Variants in SLC17A5 observed in about 807,000 individuals in gnomAD.
SLC17A5 encodes the protein sialin.
Under a neutral mutation model 59.4 loss-of-function variants are expected in SLC17A5, and 47 were observed. The observed-to-expected ratio is 0.79, with a 90% CI of 0.63 to 1.01. The LOEUF (loss-of-function observed/expected upper bound fraction) is 1.01, where lower values mean the gene tolerates loss of function less well. Among genes scored for constraint, SLC17A5 ranks in the 50% least tolerant of loss-of-function variants. The pLI, the probability that SLC17A5 is intolerant of heterozygous loss-of-function variation, is 0.00. For synonymous variants in SLC17A5, 202 were observed against 210.7 expected (o/e 0.96, Z 0.36); for missense variants, 522 against 595.5 (o/e 0.88, Z 1.28).
chr6:73,639,660 GT>G (rs1561998996), intron 3 of SLC17A5, among the ~76,000 whole-genome samples: 1 of 152,196 alleles, frequency 6.6e-6, no homozygotes, highest in East Asian at 1.9e-4. Flanking sequence ...AGTAATCTAA[GT>G]GTCCTTTATG....
chr6:73,649,913 T>C (rs1009633304), intron 1 of SLC17A5, among the ~76,000 whole-genome samples: 9 of 152,252 alleles, frequency 5.9e-5, no homozygotes, highest in African/African-American at 1.2e-4. Flanking sequence ...CAGATACCCA[T>C]ACAGAATTGG....
chr6:73,599,982 G>A (rs1489406891), intron 10 of SLC17A5, among the ~76,000 whole-genome samples: 7 of 152,118 alleles, frequency 4.6e-5, no homozygotes. Flanking sequence ...TTTTAGTAGA[G>A]ACGGGGTTTC....
chr6:73,628,904 A>T (rs562058488), intron 6 of SLC17A5, among the ~76,000 whole-genome samples: 38 of 152,202 alleles, frequency 2.5e-4, no homozygotes, highest in East Asian at 9.7e-4. Context: ...TTTAAAAAAA[A>T]TTTTTCTTGT....
intron 9 of SLC17A5, among the ~76,000 whole-genome samples, chr6:73,607,282 A>ATT (rs71000137): frequency 0.26 from 37,901 of 143,824 alleles, 5,199 homozygotes; most frequent in Non-Finnish European, 0.3. Flanking sequence ...CAATAGCACT[A>ATT]TTTTTTTTTT....
chr6:73,645,173 T>C (rs566128879), intron 1 of SLC17A5: 5 of 193,644 alleles, frequency 2.6e-5, no homozygotes, highest in Admixed American at 1.3e-4. Context: ...GTACTTACAA[T>C]GACATGATAT....
intron 9 of SLC17A5, among the ~76,000 whole-genome samples, chr6:73,607,230 A>C (rs549527032): frequency 1.3e-5 from 2 of 151,476 alleles, no homozygotes; most frequent in South Asian, 4.2e-4. Context: ...TACCATGGAT[A>C]TTTGGTTTTC....
At chr6:73,617,370 CATT>C (rs562104190) in intron 7 of SLC17A5, among the ~76,000 whole-genome samples, 263 of 151,988 alleles carry the variant, frequency 1.7e-3, no homozygotes, top group African/African-American at 6.1e-3. Context: ...TCACATCTAT[CATT>C]ATTTGTGGCA....
chr6:73,630,141 C>A (rs5007650), intron 6 of SLC17A5, among the ~76,000 whole-genome samples: 1 of 151,648 alleles, frequency 6.6e-6, no homozygotes, highest in African/African-American at 2.4e-5. Flanking sequence ...TACAGGCACA[C>A]GCTACGACGC....
chr6:73,618,660 T>A (rs538930625), intron 7 of SLC17A5: 31 of 329,648 alleles, frequency 9.4e-5, no homozygotes, highest in African/African-American at 6.2e-4. Context: ...ATAAAAGATT[T>A]AAAAAAATGA....
At chr6:73,617,007 T>C (rs1465531730) in intron 7 of SLC17A5, among the ~76,000 whole-genome samples, 1 of 151,668 alleles carries the variant, frequency 6.6e-6, no homozygotes, top group African/African-American at 2.4e-5. Context: ...CAAAAAAAGC[T>C]TGGCTGGGCA....
intron 5 of SLC17A5, among the ~76,000 whole-genome samples, chr6:73,636,041 A>G (rs995961140): frequency 3.9e-5 from 6 of 152,076 alleles, no homozygotes; most frequent in African/African-American, 7.2e-5. Flanking sequence ...ACCCAGCCAG[A>G]AGAAAACAAC....
intron 1 of SLC17A5, among the ~76,000 whole-genome samples, chr6:73,648,720 G>T (rs932015135): frequency 6.6e-6 from 1 of 152,108 alleles, no homozygotes; most frequent in African/African-American, 2.4e-5. Flanking sequence ...GAACAAAAGA[G>T]GCACATTAAT....
At chr6:73,602,495 CT>C (rs1394431427) in intron 9 of SLC17A5, among the ~76,000 whole-genome samples, 3 of 151,878 alleles carry the variant, frequency 2.0e-5, no homozygotes, top group African/African-American at 4.8e-5. Flanking sequence ...TAGAGGAAGG[CT>C]GGGCGCGGTG....
In SLC17A5 at chr6:73,653,941, C is replaced by G. The variant is rs1581997793; in HGVS notation, c.-55G>C. 1.4e-6 allele frequency: 2 copies of G among 1,481,046 alleles called. No individual in the cohort carries two copies. Among genetic ancestry groups the G allele is most frequent in the Non-Finnish European group, 1.8e-6 (2 of 1,085,104 alleles). The allele number at this position is 1,481,046 out of a possible 1,614,324, so 91.7% of individuals were successfully genotyped here. A position where few individuals can be genotyped will look rare whatever the true frequency, so the allele number is the denominator to read the frequency against. On this transcript the variant is annotated 5_prime_UTR_variant, in exon 1 of 11. Coordinates refer to ENST00000355773, the MANE Select transcript of SLC17A5 (RefSeq NM_012434.5). ...CCTGGCAGAGAAGGGAGCGCCGGCC[C>G]GACAGCCCGAAGCCCCCGGGCCGAG... is the stretch of plus-strand genomic sequence containing the variant.
At chr6:73,601,375 G>C (rs1184381451) in intron 9 of SLC17A5, among the ~76,000 whole-genome samples, 1 of 143,424 alleles carries the variant, frequency 7.0e-6, no homozygotes, top group African/African-American at 2.6e-5. Flanking sequence ...AGTGAGGAGC[G>C]TCTCCGCCCG....
At chr6:73,629,028 T>A (rs1234924355) in intron 6 of SLC17A5, among the ~76,000 whole-genome samples, 1 of 152,238 alleles carries the variant, frequency 6.6e-6, no homozygotes, top group Non-Finnish European at 1.5e-5. Flanking sequence ...TTGATTTGCT[T>A]CGCAATGCTG....
intron 2 of SLC17A5, among the ~76,000 whole-genome samples, chr6:73,642,396 C>T (rs1434957990): frequency 6.6e-6 from 1 of 151,978 alleles, no homozygotes; most frequent in Non-Finnish European, 1.5e-5. Context: ...TGGTTTTAAT[C>T]CTAGCTCTAT....
intron 1 of SLC17A5, chr6:73,653,505 C>T: frequency 2.2e-6 from 2 of 923,142 alleles, no homozygotes; most frequent in Non-Finnish European, 2.5e-6. Context: ...CGCTCCCCCG[C>T]CCCCGCCCCC....
Position 73,644,601 on chromosome 6 carries a change from G to C in SLC17A5, c.97C>G (p.Pro33Ala). 1 of 1,612,726 alleles carries C rather than the reference G, an allele frequency of 6.2e-7. No homozygotes were observed. Among genetic ancestry groups the C allele is most frequent in the Non-Finnish European group, 8.5e-7 (1 of 1,179,508 alleles). Residue 33 changes from proline (P) to alanine (A), a missense_variant and splice_region_variant, in exon 2 of 11, where the codon CCA (proline) becomes GCA (alanine). Physicochemically the swap from Pro to Ala is conservative, Grantham distance 27. Coordinates refer to ENST00000355773, the MANE Select transcript of SLC17A5 (RefSeq NM_012434.5). ...TTGTAACGAGCAGAGCAGCACACTG[G>C]AGCTGAAATAAAGATTGGGGAAAAT... ...LPGAPRAEAAPVCCSARYNLA... is the reference protein window; with the variant it reads ...LPGAPRAEAAAVCCSARYNLA...
Sources: allele counts gnomAD v4.1 joint callset (sites outside exome capture counted in the v4.1 genomes callset), GRCh38; gene constraint gnomAD v4.1.1; transcripts MANE v1.5; gene names NCBI Gene and HGNC (gene_info 2026-07-23, HGNC 2026-07-21).